The following CEP128 variants were observed in gnomAD, a reference collection of about 807,000 sequenced individuals.
The protein encoded by CEP128 is centrosomal protein 128.
In CEP128, 132 loss-of-function variants were observed where a neutral mutation model predicts 156.7. That is an observed-to-expected ratio of 0.84 (90% confidence interval 0.73 to 0.97). CEP128 has a LOEUF of 0.97. CEP128 is among the 50% of genes least tolerant of loss of function. The probability of loss-of-function intolerance (pLI) is 0.00; values close to 1 mark genes in which losing one functional copy is unlikely to be tolerated. For synonymous variants in CEP128, 469 were observed against 448.9 expected (o/e 1.04, Z -0.57); for missense variants, 1,252 against 1,281.9 (o/e 0.98, Z 0.36).
At chr14:80,813,597 C>T (rs1386450209) in intron 13 of CEP128, among the ~76,000 whole-genome samples, 3 of 152,022 alleles carry the variant, frequency 2.0e-5, no homozygotes, top group African/African-American at 4.8e-5. Flanking sequence ...TAGTAATACA[C>T]TAAAAATTAC....
At chr14:80,685,773 T>C (rs185159945) in intron 19 of CEP128, among the ~76,000 whole-genome samples, 122 of 151,984 alleles carry the variant, frequency 8.0e-4, no homozygotes, top group African/African-American at 2.7e-3. Flanking sequence ...CATGGAACAA[T>C]AGAACAGAAT....
intron 9 of CEP128, among the ~76,000 whole-genome samples, chr14:80,860,487 G>A (rs1392842969): frequency 6.6e-6 from 1 of 151,972 alleles, no homozygotes; most frequent in Non-Finnish European, 1.5e-5. Context: ...TGTGCATTCT[G>A]CAAAGAGAGA....
intron 8 of CEP128, among the ~76,000 whole-genome samples, chr14:80,893,645 A>G (rs1303294451): frequency 6.6e-6 from 1 of 152,016 alleles, no homozygotes; most frequent in Non-Finnish European, 1.5e-5. Flanking sequence ...TACAAAACAA[A>G]AAAAGTATAG....
At chr14:80,956,307 A>G (rs1219229032) in intron 2 of CEP128, among the ~76,000 whole-genome samples, 1 of 152,240 alleles carries the variant, frequency 6.6e-6, no homozygotes, top group Non-Finnish European at 1.5e-5. Flanking sequence ...CTGCTGATTC[A>G]TCAAATTGTT....
chr14:80,497,546 G>A lies in CEP128; in HGVS notation c.3218C>T (p.Ser1073Leu), dbSNP rs1887544611. The part of the protein sequence containing the change: ...TKRTVAPDSA[S>L]NKEDATMNGT... ...ATTCATTGTGGCATCTTCCTTGTTT[G>A]AAGCTGAATCTGGAGCAACAGTTCT... The change falls in exon 25 of 25, where the codon TCA (serine) becomes TTA (leucine). Residue 1073 changes from serine (S) to leucine (L), a missense_variant. Transcript: ENST00000555265. 5 of 1,613,322 alleles carry A rather than the reference G, an allele frequency of 3.1e-6. No individual in the cohort carries two copies. The highest frequency in any genetic ancestry group is 1.6e-4 in the Middle Eastern group (1 of 6,082).
chr14:80,944,599 G>A (rs1365465147), upstream of CEP128, among the ~76,000 whole-genome samples: 2 of 151,852 alleles, frequency 1.3e-5, no homozygotes, highest in Non-Finnish European at 2.9e-5. Context: ...GAGGCAGGCG[G>A]ATCACGAGGT....
intron 19 of CEP128, among the ~76,000 whole-genome samples, chr14:80,608,247 C>G (rs1892861835): frequency 6.6e-6 from 1 of 152,116 alleles, no homozygotes; most frequent in African/African-American, 2.4e-5. Flanking sequence ...ATTGTTTTGT[C>G]TTTTCGCCTC....
At chr14:80,642,232 G>C (rs17110955) in intron 19 of CEP128, among the ~76,000 whole-genome samples, 44,273 of 152,062 alleles carry the variant, frequency 0.29, 7,824 homozygotes, top group African/African-American at 0.49. Context: ...GAGGAGACAC[G>C]TAGAAACACC....
chr14:80,551,676 C>A (rs1478795209), intron 21 of CEP128, among the ~76,000 whole-genome samples: 1 of 152,182 alleles, frequency 6.6e-6, no homozygotes, highest in Non-Finnish European at 1.5e-5. Context: ...CTTATCAACA[C>A]TCTCTTAGCT....
chr14:80,484,179 A>T (rs183057217), intron 14 of CEP128, among the ~76,000 whole-genome samples: 3 of 152,050 alleles, frequency 2.0e-5, no homozygotes, highest in Non-Finnish European at 2.9e-5. Context: ...GTTTTTACCA[A>T]GTTTCCTGGG....
intron 19 of CEP128, among the ~76,000 whole-genome samples, chr14:80,621,349 T>C (rs893670908): frequency 6.6e-6 from 1 of 152,186 alleles, no homozygotes; most frequent in African/African-American, 2.4e-5. Flanking sequence ...CTAATATGTA[T>C]TGTCTTTCCT....
At chr14:80,834,692 T>G (rs2140059074) in intron 12 of CEP128, among the ~76,000 whole-genome samples, 1 of 152,294 alleles carries the variant, frequency 6.6e-6, no homozygotes, top group Non-Finnish European at 1.5e-5. Context: ...TTATGAGGTA[T>G]CAAAACATAA....
At chr14:80,642,480 C>G (rs1894458907) in intron 19 of CEP128, among the ~76,000 whole-genome samples, 1 of 152,020 alleles carries the variant, frequency 6.6e-6, no homozygotes, top group Non-Finnish European at 1.5e-5. Context: ...GCCAGGAGTT[C>G]AGGACCAGCC....
intron 8 of CEP128, among the ~76,000 whole-genome samples, chr14:80,881,548 G>T (rs1412519074): frequency 6.6e-6 from 1 of 152,094 alleles, no homozygotes; most frequent in Non-Finnish European, 1.5e-5. Flanking sequence ...AGTAAGAAGA[G>T]TAATAGAGTA....
At chr14:80,488,009 C>A (rs932918732), downstream of CEP128, among the ~76,000 whole-genome samples, 1 of 149,004 alleles carries the variant, frequency 6.7e-6, no homozygotes, top group South Asian at 2.2e-4. Context: ...TAGCAGAAGG[C>A]AAGAAATAAC....
intron 2 of CEP128, among the ~76,000 whole-genome samples, chr14:80,924,603 G>C (rs1441076091): frequency 6.6e-6 from 1 of 152,108 alleles, no homozygotes; most frequent in African/African-American, 2.4e-5. Context: ...AGGTGGATGA[G>C]ACAAGGAAAT....
intron 13 of CEP128, among the ~76,000 whole-genome samples, chr14:80,820,571 T>C (rs978985512): frequency 4.6e-5 from 7 of 152,246 alleles, no homozygotes; most frequent in Admixed American, 3.9e-4. Context: ...GCTCTGCTTA[T>C]GAATCAGAAA....
chr14:80,520,989 AT>A (rs533538115), intron 23 of CEP128, among the ~76,000 whole-genome samples: 4,228 of 114,580 alleles, frequency 0.037, 59 homozygotes, highest in Non-Finnish European at 0.047. Flanking sequence ...CGCCCAGCTA[AT>A]TTTTTTTTTT....
intron 2 of CEP128, among the ~76,000 whole-genome samples, chr14:80,921,680 C>G (rs896005785): frequency 6.6e-6 from 1 of 151,966 alleles, no homozygotes; most frequent in African/African-American, 2.4e-5. Context: ...CAATAACAGT[C>G]CGGCCGGGCG....
Sources: gnomAD v4.1 joint callset for allele counts (sites outside exome capture counted in the v4.1 genomes callset) on GRCh38, gnomAD v4.1.1 for gene constraint, MANE v1.5 for transcripts, NCBI Gene and HGNC (gene_info 2026-07-23, HGNC 2026-07-21) for gene names.